Variants in PDE4D observed in about 807,000 individuals in gnomAD.
The protein encoded by PDE4D is 3',5'-cyclic-AMP phosphodiesterase 4D.
In PDE4D, 24 loss-of-function variants were observed where a neutral mutation model predicts 87.4. The ratio of observed to expected loss-of-function variants is 0.27; its 90% CI spans 0.20 to 0.39. The LOEUF (loss-of-function observed/expected upper bound fraction) is 0.39, where lower values mean the gene tolerates loss of function less well. Ranked by LOEUF, PDE4D falls within the 10% of genes least tolerant of loss-of-function variation. The pLI is 1.00. For missense variants in PDE4D, 714 were observed against 1,041.0 expected (o/e 0.69, Z 4.32); for synonymous variants, 384 against 383.2 (o/e 1.00, Z -0.02).
At chr5:59,349,375 G>A (rs1173200749) in intron 1 of PDE4D, among the ~76,000 whole-genome samples, 3 of 152,014 alleles carry the variant, frequency 2.0e-5, no homozygotes, top group Admixed American at 2.0e-4. Flanking sequence ...CCAGAACAAG[G>A]AGTACCAAGG....
chr5:60,434,189 T>C (rs980994826), intron 1 of PDE4D, among the ~76,000 whole-genome samples: 15 of 152,204 alleles, frequency 9.9e-5, no homozygotes, highest in Admixed American at 9.2e-4. Flanking sequence ...GGATTTGCTA[T>C]GCAGACAAGA....
chr5:60,028,862 C>T (rs919346674), intron 2 of PDE4D, among the ~76,000 whole-genome samples: 1 of 152,178 alleles, frequency 6.6e-6, no homozygotes, highest in African/African-American at 2.4e-5. Flanking sequence ...TGTTTTGCCT[C>T]AAGGCCAAGT....
intron 1 of PDE4D, among the ~76,000 whole-genome samples, chr5:59,323,588 C>G (rs375175204): frequency 1.3e-5 from 2 of 152,160 alleles, no homozygotes; most frequent in African/African-American, 4.8e-5. Flanking sequence ...CCCTATTTCT[C>G]TTACCTATTA....
chr5:59,423,905 A>C (rs1562160335), intron 1 of PDE4D, among the ~76,000 whole-genome samples: 1 of 151,664 alleles, frequency 6.6e-6, no homozygotes, highest in East Asian at 1.9e-4. Context: ...TCTGTGGATG[A>C]CAGTCAGGAA....
intron 1 of PDE4D, among the ~76,000 whole-genome samples, chr5:60,228,448 A>T (rs7721457): frequency 6.6e-6 from 1 of 151,902 alleles, no homozygotes; most frequent in Non-Finnish European, 1.5e-5. Flanking sequence ...GAGAAATATC[A>T]CATGCCATTT....
At chr5:59,476,783 A>G (rs1803349313) in intron 1 of PDE4D, among the ~76,000 whole-genome samples, 2 of 152,100 alleles carry the variant, frequency 1.3e-5, no homozygotes, top group African/African-American at 4.8e-5. Flanking sequence ...CAGTTTCATG[A>G]TGGCAGAAAG....
intron 1 of PDE4D, among the ~76,000 whole-genome samples, chr5:59,340,127 AT>A (rs559607664): frequency 1.5e-4 from 23 of 151,978 alleles, no homozygotes; most frequent in Admixed American, 2.6e-4. Context: ...GAAAGTTCCA[AT>A]TTTTTTTCCC....
At chr5:59,542,237 C>G (rs1816481423) in intron 1 of PDE4D, among the ~76,000 whole-genome samples, 1 of 152,080 alleles carries the variant, frequency 6.6e-6, no homozygotes, top group African/African-American at 2.4e-5. Flanking sequence ...GAATCCCTCA[C>G]AGCCACCCAA....
chr5:60,025,507 T>TTTTTTCTTGA (rs1204217223), intron 2 of PDE4D, among the ~76,000 whole-genome samples: 1 of 152,164 alleles, frequency 6.6e-6, no homozygotes, highest in Non-Finnish European at 1.5e-5. Flanking sequence ...CAAAACAACT[T>TTTTTTCTTGA]TTTTTCTTGA....
At chr5:59,004,500 G>A (rs1210660747) in intron 6 of PDE4D, among the ~76,000 whole-genome samples, 5 of 152,202 alleles carry the variant, frequency 3.3e-5, no homozygotes, top group African/African-American at 1.2e-4. Flanking sequence ...GGGGTGTTAT[G>A]TTAGAAAAAT....
At chr5:59,620,605 G>A (rs185316113) in intron 1 of PDE4D, among the ~76,000 whole-genome samples, 3 of 152,134 alleles carry the variant, frequency 2.0e-5, no homozygotes, top group African/African-American at 7.2e-5. Context: ...AGAAAATAAG[G>A]TTCTCACCCT....
chr5:60,140,457 T>C (rs116813039), intron 2 of PDE4D, among the ~76,000 whole-genome samples: 5,111 of 151,898 alleles, frequency 0.034, 282 homozygotes, highest in African/African-American at 0.12. Context: ...TTCTGGTTTC[T>C]AATTCTGTGC....
intron 1 of PDE4D, among the ~76,000 whole-genome samples, chr5:60,346,688 A>G (rs1391585612): frequency 1.3e-5 from 2 of 152,180 alleles, no homozygotes; most frequent in African/African-American, 4.8e-5. Context: ...AGCCACTCAC[A>G]GCAACCCAGA....
intron 1 of PDE4D, among the ~76,000 whole-genome samples, chr5:59,762,858 T>TATATATATATATATGG (rs1762315774): frequency 1.7e-5 from 1 of 60,312 alleles, no homozygotes; most frequent in Non-Finnish European, 3.5e-5. Context: ...CTTAAGGATA[T>TATATATATATATATGG]ATATATATAT....
chr5:60,257,253 A>AAAGAAAGAAAGAAAGG (rs1749177272), intron 1 of PDE4D, among the ~76,000 whole-genome samples: 1 of 143,078 alleles, frequency 7.0e-6, no homozygotes, highest in African/African-American at 2.6e-5. Flanking sequence ...AGAAAGAAAG[A>AAAGAAAGAAAGAAAGG]AAAGAAAAGA....
intron 1 of PDE4D, among the ~76,000 whole-genome samples, chr5:59,262,397 A>G (rs1762159749): frequency 6.6e-6 from 1 of 151,972 alleles, no homozygotes; most frequent in African/African-American, 2.4e-5. Flanking sequence ...CAATACTAAA[A>G]CAAATTACTT....
chr5:60,108,656 A>G (rs915058591), intron 2 of PDE4D, among the ~76,000 whole-genome samples: 8 of 152,250 alleles, frequency 5.3e-5, no homozygotes, highest in African/African-American at 1.9e-4. Flanking sequence ...TGGTACCAAA[A>G]CAGAGATATA....
intron 5 of PDE4D, among the ~76,000 whole-genome samples, chr5:59,078,942 C>T (rs976267502): frequency 5.3e-5 from 8 of 152,154 alleles, no homozygotes; most frequent in South Asian, 2.1e-4. Flanking sequence ...CTCTCTCTCT[C>T]CCAATCTGTC....
At chr5:60,301,608 G>A (rs1353159004) in intron 1 of PDE4D, among the ~76,000 whole-genome samples, 2 of 152,140 alleles carry the variant, frequency 1.3e-5, no homozygotes, top group Non-Finnish European at 2.9e-5. Context: ...CTTTTGGGCT[G>A]AAACTATCTG....
Sources: gnomAD v4.1 joint callset for allele counts (sites outside exome capture counted in the v4.1 genomes callset) on GRCh38, gnomAD v4.1.1 for gene constraint, MANE v1.5 for transcripts, NCBI Gene and HGNC (gene_info 2026-07-23, HGNC 2026-07-21) for gene names.